RNF43: variants seen among roughly 807,000 people sequenced by gnomAD.
The protein encoded by RNF43 is E3 ubiquitin-protein ligase RNF43.
Under a neutral mutation model 78.4 loss-of-function variants are expected in RNF43, and 37 were observed. That is an observed-to-expected ratio of 0.47 (90% CI 0.36 to 0.62). The LOEUF (loss-of-function observed/expected upper bound fraction) is 0.62, where lower values mean the gene tolerates loss of function less well. Among genes scored for constraint, RNF43 ranks in the 20% least tolerant of loss-of-function variants. The probability of loss-of-function intolerance (pLI) is 0.00; values close to 1 mark genes in which losing one functional copy is unlikely to be tolerated. For missense variants in RNF43, 774 were observed against 1,007.9 expected, an observed-to-expected ratio of 0.77 and a Z score of 3.14; for synonymous variants, 347 against 395.0, an observed-to-expected ratio of 0.88 and a Z score of 1.44.
At chr17:58,411,729 GATTA>G (rs1348525659) in intron 2 of RNF43, among the ~76,000 whole-genome samples, 2 of 152,162 alleles carry the variant, frequency 1.3e-5, no homozygotes, top group East Asian at 3.8e-4. Flanking sequence ...TGAGAAGAAA[GATTA>G]ATTTTGAGTT....
intron 9 of RNF43, among the ~76,000 whole-genome samples, chr17:58,355,498 T>C (rs992309122): frequency 1.3e-5 from 2 of 152,160 alleles, no homozygotes; most frequent in African/African-American, 2.4e-5. Context: ...ATTAGATTTA[T>C]GGGAATAGAG....
Position 58,358,922 on chromosome 17 carries a change from T to A in RNF43, c.953-99A>T. The A allele has an allele frequency of 8.0e-7, 1 of 1,255,112 alleles. No homozygotes were observed. The highest frequency in any genetic ancestry group is 1.5e-5 in the African/African-American group (1 of 65,582). The allele number at this position is 1,255,112 out of a possible 1,614,324, so 77.7% of individuals were successfully genotyped here. ...TGTAGCTAATCTATTTGACCCTGAGTAGCCTGTGAGCTCAGAGTTTGGGGG... is the reference window on the plus strand; with the variant it reads ...TGTAGCTAATCTATTTGACCCTGAGAAGCCTGTGAGCTCAGAGTTTGGGGG... On this transcript the variant is annotated intron_variant, in intron 8 of 9. Transcript: ENST00000407977. This position sits in a 1 kb window ranked among gnomAD's most constrained non-coding sequence, Gnocchi z 6.2.
intron 9 of RNF43, among the ~76,000 whole-genome samples, chr17:58,356,719 G>A (rs540673679): frequency 1.8e-4 from 28 of 151,844 alleles, no homozygotes; most frequent in Non-Finnish European, 3.2e-4. Context: ...TCGTATTATG[G>A]TTATGTGTAA....
intron 2 of RNF43, among the ~76,000 whole-genome samples, chr17:58,388,972 C>T (rs1973490860): frequency 6.6e-6 from 1 of 152,184 alleles, no homozygotes; most frequent in Non-Finnish European, 1.5e-5. Flanking sequence ...ATTACAAAGG[C>T]TACTGCATGC....
chr17:58,361,043 A>C, intron 6 of RNF43, 99 bp from the exon 7 acceptor site: 36 of 1,247,546 alleles, frequency 2.9e-5, no homozygotes, highest in South Asian at 3.5e-5. Context: ...CAGGTAGATC[A>C]CATGGCCAGT....
chr17:58,373,764 A>G (rs1973148649), intron 2 of RNF43, among the ~76,000 whole-genome samples: 2 of 152,146 alleles, frequency 1.3e-5, no homozygotes, highest in South Asian at 4.1e-4. Context: ...GGCCTTATTC[A>G]TTCATTTTAA....
At position 58,355,357 on chromosome 17, in the gene RNF43, C is replaced by T. The variant is rs562580156; in HGVS notation, c.2309-371G>A. On this transcript the variant is annotated intron_variant, in intron 9 of 9. Transcript: ENST00000407977. ...AAAGTATGAAAACAAATGGCCATTA[C>T]GCCAGTGGGACAGGACAGGAGTCAC... is the stretch of plus-strand genomic sequence containing the variant. 7.9e-5 allele frequency among the ~76,000 whole-genome samples: 12 copies of T among 152,182 alleles called. No homozygotes were observed. In the South Asian group the frequency reaches 2.1e-3, roughly 26 times the overall value.
intron 2 of RNF43, among the ~76,000 whole-genome samples, chr17:58,399,375 C>G (rs1598161555): frequency 6.6e-6 from 1 of 152,142 alleles, no homozygotes; most frequent in East Asian, 1.9e-4. Flanking sequence ...GACAAAAACT[C>G]TGCTTATTCT....
chr17:58,392,160 TATC>T, intron 2 of RNF43, among the ~76,000 whole-genome samples: 1 of 152,326 alleles, frequency 6.6e-6, no homozygotes, highest in Admixed American at 6.5e-5. Flanking sequence ...TGTAAAAGAA[TATC>T]ATCTTAAGGA....
At chr17:58,363,193 G>C (rs1359517771) in intron 5 of RNF43, 82 bp downstream of exon 5, 1 of 1,543,532 alleles carries the variant, frequency 6.5e-7, no homozygotes, top group Admixed American at 1.7e-5. Context: ...AGCTCCAGGA[G>C]TCTAAGGGCT....
intron 9 of RNF43, among the ~76,000 whole-genome samples, chr17:58,355,255 G>A (rs1161935161): frequency 6.6e-6 from 1 of 152,230 alleles, no homozygotes; most frequent in Non-Finnish European, 1.5e-5. Context: ...AGGATTCGTT[G>A]TGAATTTGGT....
chr17:58,415,972 A>C lies in RNF43; in HGVS notation c.-385-10T>G. 6.8e-6 allele frequency: 2 copies of C among 293,652 alleles called. No homozygotes were observed. The highest frequency in any genetic ancestry group is 1.3e-5 in the Non-Finnish European group (2 of 152,476). 18.2% of individuals were successfully genotyped at this position (293,652 alleles called of 1,614,324 possible). A position where few individuals can be genotyped will look rare whatever the true frequency, so the allele number is the denominator to read the frequency against. ...ATCAAGTTGCCAGGCACTAAACCCA[A>C]TGTTCATGAACAAAACAAGGCAAAG... On this transcript the variant is annotated splice_polypyrimidine_tract_variant and intron_variant, in intron 1 of 9. Transcript: ENST00000407977.
intron 2 of RNF43, among the ~76,000 whole-genome samples, chr17:58,376,370 T>TA (rs11381216): frequency 0.64 from 96,572 of 151,498 alleles, 30,928 homozygotes; most frequent in East Asian, 0.82. Context: ...TTAGATTTGA[T>TA]AAAAAAAATA....
chr17:58,355,106 C>T, intron 9 of RNF43, 120 bp from the exon 10 acceptor site: 2 of 906,180 alleles, frequency 2.2e-6, no homozygotes, highest in South Asian at 1.4e-5. Flanking sequence ...CAGAGACTGT[C>T]TGGAAAGGGT....
intron 2 of RNF43, among the ~76,000 whole-genome samples, chr17:58,385,955 T>A (rs567461993): frequency 6.6e-6 from 1 of 151,650 alleles, no homozygotes; most frequent in South Asian, 2.1e-4. Flanking sequence ...AAAAATTTTT[T>A]AAAAATTAGC....
At chr17:58,409,755 C>T (rs1417089997) in intron 2 of RNF43, among the ~76,000 whole-genome samples, 1 of 152,116 alleles carries the variant, frequency 6.6e-6, no homozygotes, top group African/African-American at 2.4e-5. Flanking sequence ...CATGGTGCCC[C>T]GTGCTTGTGG....
intron 2 of RNF43, among the ~76,000 whole-genome samples, chr17:58,411,320 C>T (rs570256709): frequency 6.6e-6 from 1 of 151,950 alleles, no homozygotes; most frequent in East Asian, 1.9e-4. Context: ...GTCAAGCCCC[C>T]CAAGTCACAG....
At chr17:58,362,110 C>CAAAA (rs987939955) in intron 6 of RNF43, among the ~76,000 whole-genome samples, 56 of 125,842 alleles carry the variant, frequency 4.5e-4, no homozygotes, top group South Asian at 1.7e-3. Flanking sequence ...AACAAACAAA[C>CAAAA]AAAAAAAAAC....
At chr17:58,390,710 A>G (rs535962431) in intron 2 of RNF43, among the ~76,000 whole-genome samples, 56 of 152,364 alleles carry the variant, frequency 3.7e-4, no homozygotes, top group African/African-American at 1.3e-3. Flanking sequence ...CTAAATTCTA[A>G]AAGAGGTTTA....
Sources: allele counts gnomAD v4.1 joint callset (sites outside exome capture counted in the v4.1 genomes callset), GRCh38; gene constraint gnomAD v4.1.1; non-coding constraint Gnocchi (gnomAD v3.1); transcripts MANE v1.5; gene names NCBI Gene and HGNC (gene_info 2026-07-23, HGNC 2026-07-21).